Variants in DNAH2 observed in about 807,000 individuals in gnomAD.
DNAH2 encodes axonemal beta dynein heavy chain 2.
A neutral mutation model predicts 523.5 loss-of-function variants in DNAH2; 323 were observed. The observed-to-expected ratio is 0.62, with a 90% CI of 0.56 to 0.68. DNAH2 has a LOEUF of 0.68. Ranked by LOEUF, DNAH2 falls within the 30% of genes least tolerant of loss-of-function variation. DNAH2 has a pLI of 0.00. For synonymous variants in DNAH2, 2,093 were observed against 2,177.4 expected (o/e 0.96, Z 1.08); for missense variants, 4,907 against 5,701.5 (o/e 0.86, Z 4.49).
At chr17:7,790,007 TG>T (rs1339171693) in intron 44 of DNAH2, among the ~76,000 whole-genome samples, 1 of 152,190 alleles carries the variant, frequency 6.6e-6, no homozygotes, top group African/African-American at 2.4e-5. Context: ...CCCACGGGCC[TG>T]TGTCTGCTTT....
rs759537612 is a variant in DNAH2, at chr17:7,792,314, G to A, written c.7116G>A (p.Lys2372=). 1 of 1,614,078 alleles carries A rather than the reference G, an allele frequency of 6.2e-7. No homozygotes were observed. The highest frequency in any genetic ancestry group is 1.1e-5 in the South Asian group (1 of 91,070). ...GGAGTTGGACATCATTTGAGGACAA[G>A]CTCCCTAAGAGTTGGCGCTACCCTC... is the stretch of plus-strand genomic sequence containing the variant. ...KIRSWTSFED[K]LPKSWRYPPN... The change falls in exon 46 of 86, where the codon AAG becomes AAA. Residue 2372 remains lysine, a synonymous_variant. Coordinates refer to ENST00000572933, the MANE Select transcript of DNAH2 (RefSeq NM_020877.5).
At chr17:7,741,229 T>C (rs983899153) in intron 11 of DNAH2, among the ~76,000 whole-genome samples, 3 of 129,286 alleles carry the variant, frequency 2.3e-5, no homozygotes, top group African/African-American at 9.0e-5. Context: ...TTCTTTTTTT[T>C]CTCTCTCTCT....
rs1942487843 is a variant in DNAH2 at position 7,767,962 on chromosome 17, G to A, written c.3738G>A (p.Glu1246=). ...IARDWEENWN[E]WKTGRFLILQ... ...GAGACTGGGAGGAGAACTGGAATGA[G>A]TGGAAGACTGGCCGGTTCCTGATCC... The change falls in exon 23 of 86, where the codon GAG becomes GAA. Residue 1246 remains glutamate, a synonymous_variant. Coordinates refer to ENST00000572933, the MANE Select transcript of DNAH2 (RefSeq NM_020877.5). 1 of 1,614,188 alleles carries A rather than the reference G, an allele frequency of 6.2e-7. No homozygotes were observed. Among genetic ancestry groups the A allele is most frequent in the Non-Finnish European group, 8.5e-7 (1 of 1,180,046 alleles).
rs1437353137 is a variant in DNAH2 at position 7,786,534 on chromosome 17, A to G, written c.6349-36A>G. 6.3e-7 allele frequency: 1 copy of G among 1,585,734 alleles called. No homozygotes were observed. On this transcript the variant is annotated intron_variant, in intron 40 of 85. Coordinates refer to ENST00000572933, the MANE Select transcript of DNAH2 (RefSeq NM_020877.5). The surrounding 1 kb of genome is among the most constrained non-coding windows in gnomAD (Gnocchi z 7.5). The stretch of plus-strand genomic sequence containing the variant: ...TGGAAATAAAGAGGGGTTTTTGTCC[A>G]TCAGCAGCTAAAACCCCTTCCGGTG...
At chr17:7,802,513 C>T (rs1475529718) in intron 58 of DNAH2, among the ~76,000 whole-genome samples, 2 of 152,190 alleles carry the variant, frequency 1.3e-5, no homozygotes, top group Non-Finnish European at 2.9e-5. Context: ...AACTTATGCA[C>T]GTTCCTCCCA....
rs2075928274 is a variant in DNAH2 at position 7,759,042 on chromosome 17, A to T, written c.2366A>T (p.Gln789Leu). 1 of 1,614,212 alleles carries T rather than the reference A, an allele frequency of 6.2e-7. No individual in the cohort carries two copies. The highest frequency in any genetic ancestry group is 1.3e-5 in the African/African-American group (1 of 75,046). Reference protein sequence around the residue: ...EDQREHRAAVQQKLMNLHQDV... With the variant: ...EDQREHRAAVLQKLMNLHQDV... ...CAAAGAGAGCATCGGGCAGCTGTAC[A>T]GCAGAAATTGATGAACCTGCACCAG... The change falls in exon 15 of 86, where the codon CAG (glutamine) becomes CTG (leucine). Residue 789 changes from glutamine to leucine, a missense_variant. By Grantham distance (113) the Gln-to-Leu change is moderately radical (BLOSUM62 -2). This residue lies in a region of DNAH2 where 2,806 missense variants were observed against 3,190.8 expected (regional missense o/e 0.88). Transcript: ENST00000572933.
At chr17:7,818,817 C>T (rs1279275497) in intron 70 of DNAH2, 41 bp downstream of exon 70, 1 of 1,612,664 alleles carries the variant, frequency 6.2e-7, no homozygotes, top group South Asian at 1.1e-5. Context: ...CACGGGTCTA[C>T]TCCCAGCCAG....
intron 24 of DNAH2, among the ~76,000 whole-genome samples, chr17:7,768,786 C>A (rs1438687103): frequency 6.6e-6 from 1 of 152,142 alleles, no homozygotes; most frequent in African/African-American, 2.4e-5. Flanking sequence ...CATATGAGTG[C>A]GATCATGCGG....
Position 7,735,268 on chromosome 17 carries a change from T to C in DNAH2, c.978+560T>C, listed in dbSNP as rs2075108113. On this transcript the variant is annotated intron_variant, in intron 7 of 85. Transcript: ENST00000572933. ...GCCTCAGCCTCCTGAGTAGCTGAGA[T>C]TACAGGTGCCCGCCACCAAGCCTGG... 3.3e-5 allele frequency among the ~76,000 whole-genome samples: 5 copies of C among 149,822 alleles called. No homozygotes were observed. In the South Asian group the frequency reaches 1.1e-3, roughly 32 times the overall value.
Position 7,798,155 on chromosome 17 carries a change from A to G in DNAH2, c.8231-2A>G. 1 of 1,586,314 alleles carries G rather than the reference A, an allele frequency of 6.3e-7. No homozygotes were observed. Among genetic ancestry groups the G allele is most frequent in the African/African-American group, 1.3e-5 (1 of 74,478 alleles). The stretch of plus-strand genomic sequence containing the variant: ...TTACCCTCACACCCACCCCACCCCC[A>G]GTCACACGGATCGTGCGGGTCATTG... On this transcript the variant is annotated splice_acceptor_variant, in intron 53 of 85. Transcript: ENST00000572933. LOFTEE classifies it high-confidence loss of function. This position sits in a 1 kb window ranked among gnomAD's most constrained non-coding sequence, Gnocchi z 5.5.
chr17:7,727,999 C>T lies in DNAH2; in HGVS notation c.399+707C>T, dbSNP rs78586802. Among the ~76,000 whole-genome samples the T allele has an allele frequency of 3.4e-3, 518 of 152,042 alleles. 1 individual carries two copies. The highest frequency in any genetic ancestry group is 5.5e-3 in the Non-Finnish European group (374 of 67,992). ...GAGCTATTCAGCAAAGACCACTCTA[C>T]GTACAAAGAAAAGAGAAGTAGTGGG... On this transcript the variant is annotated intron_variant, in intron 4 of 85. Transcript: ENST00000572933.
intron 12 of DNAH2, among the ~76,000 whole-genome samples, chr17:7,750,437 T>G (rs1478960400): frequency 6.6e-6 from 1 of 152,188 alleles, no homozygotes; most frequent in Non-Finnish European, 1.5e-5. Flanking sequence ...TTCCTTTGTC[T>G]TCCTCTTTTT....
chr17:7,755,556 G>T (rs2075812713), intron 12 of DNAH2, among the ~76,000 whole-genome samples: 1 of 152,166 alleles, frequency 6.6e-6, no homozygotes, highest in East Asian at 1.9e-4. Flanking sequence ...AAAACCAGGG[G>T]TCAGTGGTCT....
chr17:7,823,172 T>C (rs534862566), intron 73 of DNAH2, among the ~76,000 whole-genome samples: 1 of 151,766 alleles, frequency 6.6e-6, no homozygotes, highest in African/African-American at 2.4e-5. Context: ...CGAGCACCTG[T>C]AATCTCAGCT....
rs992531610 is a variant in DNAH2 at position 7,793,350 on chromosome 17, C to T, written c.7569+145C>T. The T allele has an allele frequency of 3.7e-5, 29 of 778,636 alleles. No homozygotes were observed. The African/African-American group carries it at 3.8e-4, about 10-fold the overall frequency. The allele number at this position is 778,636 out of a possible 1,614,324, so 48.2% of individuals were successfully genotyped here. ...CGTCCTTCTCCATGACAGCAGTTCT[C>T]GGCTCCCCACTCACGAGCCAGGCAT... On this transcript the variant is annotated intron_variant, in intron 48 of 85. Transcript: ENST00000572933.
At chr17:7,763,381 C>T (rs532244592) in intron 18 of DNAH2, among the ~76,000 whole-genome samples, 40 of 152,248 alleles carry the variant, frequency 2.6e-4, no homozygotes, top group African/African-American at 8.4e-4. Flanking sequence ...CTCCTGACCT[C>T]GTGATCTGCC....
In DNAH2 at chr17:7,719,787, A is replaced by G; in HGVS notation, c.53A>G (p.Gln18Arg). ...KQRLSGRGSS[Q>R]ASWSGRATRA... Reference sequence around the variant, plus strand: ...CGATTGAGTGGCCGAGGAAGCTCCCAGGCAAGCTGGTCAGGGCGGGCCACT... The same window carrying G: ...CGATTGAGTGGCCGAGGAAGCTCCCGGGCAAGCTGGTCAGGGCGGGCCACT... The change falls in exon 2 of 86, where the codon CAG (glutamine) becomes CGG (arginine). Residue 18 changes from glutamine to arginine, a missense_variant. Gln to Arg is a conservative substitution (Grantham distance 43). Transcript: ENST00000572933. 1 of 1,614,170 alleles carries G rather than the reference A, an allele frequency of 6.2e-7. No individual in the cohort carries two copies. Among genetic ancestry groups the G allele is most frequent in the African/African-American group, 1.3e-5 (1 of 75,068 alleles).
chr17:7,810,966 C>T lies in DNAH2; in HGVS notation c.9729+3380C>T, dbSNP rs962364123. 2.0e-5 allele frequency among the ~76,000 whole-genome samples: 3 copies of T among 152,328 alleles called. No individual in the cohort carries two copies. The East Asian group carries it at 5.8e-4, about 29-fold the overall frequency. ...TAGTTCTGATATACAACAAGGGTTACAAACCAGTGGCGTAGATAGGGCCCC... is the reference window on the plus strand; with the variant it reads ...TAGTTCTGATATACAACAAGGGTTATAAACCAGTGGCGTAGATAGGGCCCC... On this transcript the variant is annotated intron_variant, in intron 63 of 85. Coordinates refer to ENST00000572933, the MANE Select transcript of DNAH2 (RefSeq NM_020877.5).
Position 7,722,301 on chromosome 17 carries a change from G to A in DNAH2, c.167-1327G>A, listed in dbSNP as rs531475195. Among the ~76,000 whole-genome samples, 38 of 152,154 alleles carry A rather than the reference G, an allele frequency of 2.5e-4. 2 individuals carry two copies. Among genetic ancestry groups the A allele is most frequent in the Admixed American group, 3.3e-4 (5 of 15,276 alleles). On this transcript the variant is annotated intron_variant, in intron 2 of 85. Transcript: ENST00000572933. ...ATTACAGGTATGAGCCATCGTGCCC[G>A]GCCCCCAGTCAGCTTTTTACATTAA...
Sources: gnomAD v4.1 joint callset for allele counts (sites outside exome capture counted in the v4.1 genomes callset) on GRCh38, gnomAD v4.1.1 for gene constraint, gnomAD v4.1.1 regional missense constraint, Gnocchi (gnomAD v3.1) non-coding constraint, MANE v1.5 for transcripts, NCBI Gene and HGNC (gene_info 2026-07-23, HGNC 2026-07-21) for gene names.